The following RAB35 variants were observed in gnomAD, a reference collection of about 807,000 sequenced individuals.
RAB35 encodes the protein RAB35, member RAS oncogene family, also known as ras-related protein Rab-35.
In RAB35, 4 loss-of-function variants were observed where a neutral mutation model predicts 28.9. The ratio of observed to expected loss-of-function variants is 0.14; its 90% CI spans 0.07 to 0.32. The LOEUF is 0.32. Ranked by LOEUF, RAB35 falls within the 10% of genes least tolerant of loss-of-function variation. RAB35 has a pLI of 1.00. For missense variants in RAB35, 128 were observed against 274.0 expected (o/e 0.47, Z 3.76); for synonymous variants, 99 against 105.1 (o/e 0.94, Z 0.35).
In RAB35 at chr12:120,113,711, G is replaced by A. The variant is rs146709986; in HGVS notation, c.52+2888C>T. 3.5e-3 allele frequency among the ~76,000 whole-genome samples: 535 copies of A among 152,104 alleles called. 7 individuals carry two copies. Among genetic ancestry groups the A allele is most frequent in the African/African-American group, 0.012 (492 of 41,490 alleles). On this transcript the variant is annotated intron_variant, in intron 1 of 5. Coordinates refer to ENST00000229340, the MANE Select transcript of RAB35 (RefSeq NM_006861.7). The stretch of plus-strand genomic sequence containing the variant: ...TGGGCACCTGTAGTCCCACCTACTC[G>A]GGAGGCTGAGGCAGGAGAATGGCGT...
chr12:120,107,019 C>G (rs759216537), intron 2 of RAB35, among the ~76,000 whole-genome samples: 5 of 151,878 alleles, frequency 3.3e-5, no homozygotes, highest in Non-Finnish European at 5.9e-5. Context: ...GATGGAGTCT[C>G]GCTCTGTCGT....
In RAB35 at chr12:120,096,955, T is replaced by C; in HGVS notation, c.*290A>G. ...TGCGGCCGGGTAGAGCAATATACAC[T>C]ATGTACAGACTCTGCGAATCAGTCC... On this transcript the variant is annotated 3_prime_UTR_variant, in exon 6 of 6. Coordinates refer to ENST00000229340, the MANE Select transcript of RAB35 (RefSeq NM_006861.7). The C allele has an allele frequency of 7.1e-7, 1 of 1,416,142 alleles. No homozygotes were observed. The highest frequency in any genetic ancestry group is 9.3e-7 in the Non-Finnish European group (1 of 1,071,196). 87.7% of individuals were successfully genotyped at this position (1,416,142 alleles called of 1,614,324 possible). A position where few individuals can be genotyped will look rare whatever the true frequency, so the allele number is the denominator to read the frequency against.
At chr12:120,106,623 C>T (rs1256078776) in intron 2 of RAB35, among the ~76,000 whole-genome samples, 1 of 142,780 alleles carries the variant, frequency 7.0e-6, no homozygotes, top group Admixed American at 7.3e-5. Flanking sequence ...GACGGAGTCT[C>T]ACTCTGTCGC....
chr12:120,110,873 TC>T (rs1876089515), intron 1 of RAB35, among the ~76,000 whole-genome samples: 1 of 152,210 alleles, frequency 6.6e-6, no homozygotes, highest in Admixed American at 6.5e-5. Flanking sequence ...TCCTCCTTGC[TC>T]CGCCGTGAGG....
chr12:120,113,590 G>A (rs1025715193), intron 1 of RAB35, among the ~76,000 whole-genome samples: 14 of 152,102 alleles, frequency 9.2e-5, no homozygotes, highest in Admixed American at 6.5e-4. Context: ...AGGCCGAGGC[G>A]GGCGGATCAC....
At chr12:120,114,887 G>A (rs1458624363) in intron 1 of RAB35, among the ~76,000 whole-genome samples, 1 of 152,202 alleles carries the variant, frequency 6.6e-6, no homozygotes, top group Admixed American at 6.5e-5. Flanking sequence ...GAGGGATAAA[G>A]GCTCCTGACC....
intron 5 of RAB35, among the ~76,000 whole-genome samples, chr12:120,097,879 C>CT (rs1043936271): frequency 0.018 from 2,248 of 127,714 alleles, 55 homozygotes; most frequent in Middle Eastern, 0.041. Context: ...CAGCTGGAAT[C>CT]TTTTTTTTTT....
chr12:120,108,892 G>A (rs1178660281), intron 1 of RAB35, among the ~76,000 whole-genome samples: 2 of 152,246 alleles, frequency 1.3e-5, no homozygotes, highest in Non-Finnish European at 2.9e-5. Context: ...CGCCCAAAAT[G>A]AAGAGCTGTA....
intron 3 of RAB35, among the ~76,000 whole-genome samples, chr12:120,100,989 G>A (rs751234983): frequency 6.6e-6 from 1 of 152,232 alleles, no homozygotes; most frequent in Non-Finnish European, 1.5e-5. Flanking sequence ...GCCAAGAAAC[G>A]CCTGCAGCCA....
chr12:120,113,545 G>A (rs576160167), intron 1 of RAB35, among the ~76,000 whole-genome samples: 23 of 152,274 alleles, frequency 1.5e-4, no homozygotes, highest in Admixed American at 8.5e-4. Context: ...CTGGCCGGGC[G>A]CGGTGGCTCA....
At chr12:120,110,208 A>T (rs932139720) in intron 1 of RAB35, among the ~76,000 whole-genome samples, 1 of 151,464 alleles carries the variant, frequency 6.6e-6, no homozygotes, top group Admixed American at 6.6e-5. Context: ...TTTTTAATGA[A>T]AATGCCACGA....
intron 1 of RAB35, 148 bp from the exon 2 acceptor site, chr12:120,108,615 C>T (rs781522757): frequency 5.4e-6 from 4 of 743,712 alleles, no homozygotes; most frequent in Non-Finnish European, 9.7e-6. Flanking sequence ...TTCCACCTCC[C>T]TGAGCGGCCA....
chr12:120,097,865 C>G (rs1168086055), intron 5 of RAB35, among the ~76,000 whole-genome samples: 2 of 151,544 alleles, frequency 1.3e-5, no homozygotes, highest in African/African-American at 2.4e-5. Context: ...CAACCCCTTT[C>G]CTTCAGCTGG....
rs148015631 is a variant in RAB35, at chr12:120,107,571, C to A, written c.103+846G>T. Among the ~76,000 whole-genome samples, 641 of 152,012 alleles carry A rather than the reference C, an allele frequency of 4.2e-3. 3 individuals carry two copies. Among genetic ancestry groups the A allele is most frequent in the African/African-American group, 0.013 (554 of 41,484 alleles). On this transcript the variant is annotated intron_variant, in intron 2 of 5. Coordinates refer to ENST00000229340, the MANE Select transcript of RAB35 (RefSeq NM_006861.7). The stretch of plus-strand genomic sequence containing the variant: ...CCCCACTTCTACAGAAACACGTGCA[C>A]AAGAATAAGTATCAGCTGGGCGCAG...
intron 2 of RAB35, among the ~76,000 whole-genome samples, chr12:120,107,632 C>G (rs1384565066): frequency 6.6e-6 from 1 of 151,964 alleles, no homozygotes; most frequent in Non-Finnish European, 1.5e-5. Flanking sequence ...TTTGGAAGGC[C>G]AAGGTGGGTG....
chr12:120,111,366 G>C (rs1331238426), intron 1 of RAB35, among the ~76,000 whole-genome samples: 2 of 152,118 alleles, frequency 1.3e-5, no homozygotes, highest in Non-Finnish European at 2.9e-5. Flanking sequence ...CTGTCCCCAG[G>C]CGTCTCGGCA....
At chr12:120,106,475 C>T (rs1216015094) in intron 2 of RAB35, among the ~76,000 whole-genome samples, 1 of 152,144 alleles carries the variant, frequency 6.6e-6, no homozygotes, top group African/African-American at 2.4e-5. Context: ...ACAGAGCAGC[C>T]ATCTCTTTCT....
chr12:120,097,099 A>C lies in RAB35; in HGVS notation c.*146T>G, dbSNP rs1247816843. On this transcript the variant is annotated 3_prime_UTR_variant, in exon 6 of 6. Coordinates refer to ENST00000229340, the MANE Select transcript of RAB35 (RefSeq NM_006861.7). ...GGCACTCGAGGAGGGCGGGGGAGGAAGTGCCGATGGCACCTCCCGATACAA... is the reference window on the plus strand; with the variant it reads ...GGCACTCGAGGAGGGCGGGGGAGGACGTGCCGATGGCACCTCCCGATACAA... 3 of 1,579,808 alleles carry C rather than the reference A, an allele frequency of 1.9e-6. No individual in the cohort carries two copies. The highest frequency in any genetic ancestry group is 2.6e-6 in the Non-Finnish European group (3 of 1,168,346).
In RAB35 at chr12:120,103,983, C is replaced by T. The variant is rs758336067; in HGVS notation, c.104-34G>A. ...ACAGGGCAGTTAACGAGGCCCAGCG[C>T]GGTATCTTCCCAGGCCCTGAGCCCC... is the stretch of plus-strand genomic sequence containing the variant. On this transcript the variant is annotated intron_variant, in intron 2 of 5. Coordinates refer to ENST00000229340, the MANE Select transcript of RAB35 (RefSeq NM_006861.7). The surrounding 1 kb of genome is among the most constrained non-coding windows in gnomAD (Gnocchi z 6.1). 10 of 1,610,278 alleles carry T rather than the reference C, an allele frequency of 6.2e-6. No homozygotes were observed. Among genetic ancestry groups the T allele is most frequent in the Middle Eastern group, 1.7e-4 (1 of 6,018 alleles).
Sources: gnomAD v4.1 joint callset for allele counts (sites outside exome capture counted in the v4.1 genomes callset) on GRCh38, gnomAD v4.1.1 for gene constraint, Gnocchi (gnomAD v3.1) non-coding constraint, MANE v1.5 for transcripts, NCBI Gene and HGNC (gene_info 2026-07-23, HGNC 2026-07-21) for gene names.